The following DPYD variants were observed in gnomAD, a reference collection of about 807,000 sequenced individuals.
The protein encoded by DPYD is dihydropyrimidine dehydrogenase [NADP(+)].
A neutral mutation model predicts 116.2 loss-of-function variants in DPYD; 109 were observed. The observed-to-expected ratio is 0.94, with a 90% CI of 0.80 to 1.10. DPYD has a LOEUF of 1.10. DPYD is among the 50% of genes least tolerant of loss of function. The pLI, the probability that DPYD is intolerant of heterozygous loss-of-function variation, is 0.00. For missense variants in DPYD, 1,302 were observed against 1,254.5 expected, an observed-to-expected ratio of 1.04 and a Z score of -0.57; for synonymous variants, 440 against 432.0, an observed-to-expected ratio of 1.02 and a Z score of -0.23.
At chr1:97,125,805 A>C (rs1376504442) in intron 20 of DPYD, among the ~76,000 whole-genome samples, 1 of 152,126 alleles carries the variant, frequency 6.6e-6, no homozygotes, top group Non-Finnish European at 1.5e-5. Context: ...CCCTCACCAG[A>C]CACCAAACCT....
chr1:97,229,434 G>A (rs1661430161), intron 19 of DPYD, among the ~76,000 whole-genome samples: 2 of 149,574 alleles, frequency 1.3e-5, no homozygotes, highest in South Asian at 4.2e-4. Context: ...GTGGAATGAA[G>A]TGAAATTCAG....
intron 21 of DPYD, among the ~76,000 whole-genome samples, chr1:97,087,533 C>T (rs770042061): frequency 6.6e-6 from 1 of 152,062 alleles, no homozygotes; most frequent in Non-Finnish European, 1.5e-5. Context: ...ACTTTTGGAA[C>T]CAAAGTAGTG....
At chr1:97,127,332 G>C (rs1280355532) in intron 20 of DPYD, among the ~76,000 whole-genome samples, 1 of 152,144 alleles carries the variant, frequency 6.6e-6, no homozygotes, top group Non-Finnish European at 1.5e-5. Flanking sequence ...GGGAGCCTGG[G>C]TTGGTCCAGG....
intron 14 of DPYD, among the ~76,000 whole-genome samples, chr1:97,407,673 T>A (rs1412133980): frequency 1.3e-5 from 2 of 152,110 alleles, no homozygotes; most frequent in Non-Finnish European, 2.9e-5. Flanking sequence ...TGAATCAGCA[T>A]CCAATACACG....
At chr1:97,647,011 C>T (rs1251028170) in intron 8 of DPYD, among the ~76,000 whole-genome samples, 3 of 152,080 alleles carry the variant, frequency 2.0e-5, no homozygotes, top group African/African-American at 7.2e-5. Context: ...GTATCTGATA[C>T]CATTCCTGGG....
At chr1:97,412,292 C>A (rs1377482208) in intron 14 of DPYD, among the ~76,000 whole-genome samples, 1 of 152,106 alleles carries the variant, frequency 6.6e-6, no homozygotes, top group South Asian at 2.1e-4. Context: ...CTATTTACTC[C>A]CTTAAATGTG....
At chr1:97,603,472 G>A (rs1655391242) in intron 8 of DPYD, among the ~76,000 whole-genome samples, 3 of 151,888 alleles carry the variant, frequency 2.0e-5, no homozygotes, top group Admixed American at 1.3e-4. Context: ...CATACATAAC[G>A]GAAAAAAACC....
intron 12 of DPYD, among the ~76,000 whole-genome samples, chr1:97,523,127 A>G (rs1648808827): frequency 6.6e-6 from 1 of 152,198 alleles, no homozygotes; most frequent in South Asian, 2.1e-4. Context: ...CTCAATGAAA[A>G]CTAAAGAAAA....
intron 8 of DPYD, among the ~76,000 whole-genome samples, chr1:97,634,461 T>C (rs1657448702): frequency 6.6e-6 from 1 of 151,988 alleles, no homozygotes; most frequent in South Asian, 2.1e-4. Context: ...AATAATTAAA[T>C]ATAAAACAAC....
intron 4 of DPYD, among the ~76,000 whole-genome samples, chr1:97,733,229 G>A (rs1275338326): frequency 2.0e-5 from 3 of 151,972 alleles, no homozygotes; most frequent in African/African-American, 7.2e-5. Context: ...TCTGTCATGT[G>A]CTATTGTGAA....
chr1:97,882,537 TG>T (rs1407199036), intron 2 of DPYD, among the ~76,000 whole-genome samples: 1 of 152,066 alleles, frequency 6.6e-6, no homozygotes, highest in Non-Finnish European at 1.5e-5. Flanking sequence ...AATGTTAATT[TG>T]GGGTAATCTG....
intron 19 of DPYD, among the ~76,000 whole-genome samples, chr1:97,210,343 C>T (rs1659956714): frequency 6.6e-6 from 1 of 151,966 alleles, no homozygotes; most frequent in African/African-American, 2.4e-5. Context: ...TTACTCTTTC[C>T]TCAAAGATTC....
chr1:97,124,915 T>TA (rs1166981737), intron 20 of DPYD, among the ~76,000 whole-genome samples: 2 of 152,134 alleles, frequency 1.3e-5, no homozygotes, highest in Non-Finnish European at 2.9e-5. Context: ...CATGGGAAGT[T>TA]AGAGAGTACG....
intron 19 of DPYD, among the ~76,000 whole-genome samples, chr1:97,230,278 G>A (rs150164205): frequency 0.011 from 1,707 of 152,208 alleles, 36 homozygotes; most frequent in African/African-American, 0.039. Context: ...TGTGGTACAT[G>A]TACACCATGG....
intron 20 of DPYD, among the ~76,000 whole-genome samples, chr1:97,150,896 A>C (rs552134965): frequency 1.3e-5 from 2 of 152,202 alleles, no homozygotes; most frequent in Non-Finnish European, 2.9e-5. Flanking sequence ...TATAATGACA[A>C]ATGTTTTTCA....
At chr1:97,883,174 A>C (rs1672312699) in intron 2 of DPYD, 90 bp downstream of exon 2, 4 of 815,776 alleles carry the variant, frequency 4.9e-6, no homozygotes. Flanking sequence ...GTACTTTAAT[A>C]CCTTATTTCT....
At chr1:97,765,532 C>T (rs1181070105) in intron 3 of DPYD, among the ~76,000 whole-genome samples, 1 of 152,184 alleles carries the variant, frequency 6.6e-6, no homozygotes, top group Non-Finnish European at 1.5e-5. Context: ...CAGCTCACAC[C>T]TCCCAGGTGG....
At position 97,701,994 on chromosome 1, in the gene DPYD, A is replaced by C. The variant is rs572273039; in HGVS notation, c.484-2447T>G. Among the ~76,000 whole-genome samples the C allele has an allele frequency of 8.8e-4, 133 of 151,866 alleles. 1 individual carries two copies. Among genetic ancestry groups the C allele is most frequent in the Non-Finnish European group, 1.4e-3 (96 of 67,746 alleles). On this transcript the variant is annotated intron_variant, in intron 5 of 22. Coordinates refer to ENST00000370192, the MANE Select transcript of DPYD (RefSeq NM_000110.4). ...TTTCTTATTCCCAGCTACAATTTGT[A>C]TAATTTACAAATTATTAATATGTGT...
chr1:97,279,201 C>A (rs184832255), intron 18 of DPYD, among the ~76,000 whole-genome samples: 1 of 152,008 alleles, frequency 6.6e-6, no homozygotes, highest in Admixed American at 6.6e-5. Flanking sequence ...ATTAAGCATA[C>A]CCCATACTTT....
Sources: allele counts gnomAD v4.1 joint callset (sites outside exome capture counted in the v4.1 genomes callset), GRCh38; gene constraint gnomAD v4.1.1; transcripts MANE v1.5; gene names NCBI Gene and HGNC (gene_info 2026-07-23, HGNC 2026-07-21).